Variants in CACNA2D3 observed in about 807,000 individuals in gnomAD.
CACNA2D3 encodes the protein calcium voltage-gated channel auxiliary subunit alpha2delta 3, also known as voltage-dependent calcium channel subunit alpha-2/delta-3.
In CACNA2D3, 60 loss-of-function variants were observed where a neutral mutation model predicts 160.6. That is an observed-to-expected ratio of 0.37 (90% confidence interval 0.30 to 0.46). The LOEUF (loss-of-function observed/expected upper bound fraction) is 0.46, where lower values mean the gene tolerates loss of function less well. Ranked by LOEUF, CACNA2D3 falls within the 20% of genes least tolerant of loss-of-function variation. CACNA2D3 has a pLI of 1.00. For synonymous variants in CACNA2D3, 558 were observed against 492.9 expected, an observed-to-expected ratio of 1.13 and a Z score of -1.75; for missense variants, 1,205 against 1,365.0, an observed-to-expected ratio of 0.88 and a Z score of 1.85.
chr3:54,813,847 A>G (rs188642036), intron 13 of CACNA2D3, among the ~76,000 whole-genome samples: 3 of 147,538 alleles, frequency 2.0e-5, no homozygotes, highest in Non-Finnish European at 4.5e-5. Context: ...AAATTCTGCT[A>G]TTTGGTTATA....
intron 2 of CACNA2D3, among the ~76,000 whole-genome samples, chr3:54,277,534 T>G (rs1702774953): frequency 6.6e-6 from 1 of 152,230 alleles, no homozygotes; most frequent in Admixed American, 6.5e-5. Flanking sequence ...ACTGTAGCCT[T>G]GTAGTATAGT....
At chr3:54,697,513 C>A (rs536302622) in intron 11 of CACNA2D3, among the ~76,000 whole-genome samples, 5 of 152,236 alleles carry the variant, frequency 3.3e-5, no homozygotes, top group Non-Finnish European at 5.9e-5. Context: ...CCTATCTGAC[C>A]ATTTTGATGG....
At chr3:54,716,510 T>C (rs1219443760) in intron 11 of CACNA2D3, among the ~76,000 whole-genome samples, 1 of 152,176 alleles carries the variant, frequency 6.6e-6, no homozygotes, top group East Asian at 1.9e-4. Context: ...TTACACTCAG[T>C]AAATCTGCAC....
At chr3:54,840,490 AACCTCC>A (rs1168270861) in intron 16 of CACNA2D3, among the ~76,000 whole-genome samples, 1 of 140,094 alleles carries the variant, frequency 7.1e-6, no homozygotes, top group East Asian at 2.2e-4. Context: ...AGCTCACTGC[AACCTCC>A]ACCTCCTGGG....
intron 5 of CACNA2D3, among the ~76,000 whole-genome samples, chr3:54,517,547 T>C (rs1016188425): frequency 4.6e-5 from 7 of 152,232 alleles, no homozygotes; most frequent in Non-Finnish European, 1.0e-4. Context: ...TGTGCCCACC[T>C]GCTGCACAGG....
At chr3:54,692,564 C>G (rs1296288555) in intron 11 of CACNA2D3, among the ~76,000 whole-genome samples, 2 of 152,196 alleles carry the variant, frequency 1.3e-5, no homozygotes, top group African/African-American at 4.8e-5. Context: ...TGTTCAGACT[C>G]TGGTGACCCT....
At chr3:54,628,890 C>T (rs557708309) in intron 10 of CACNA2D3, among the ~76,000 whole-genome samples, 2 of 152,040 alleles carry the variant, frequency 1.3e-5, no homozygotes, top group East Asian at 3.9e-4. Flanking sequence ...AGGAGGCTAC[C>T]CAAGAAGAAC....
chr3:54,182,664 G>A (rs1193729122), intron 2 of CACNA2D3, among the ~76,000 whole-genome samples: 2 of 152,078 alleles, frequency 1.3e-5, no homozygotes, highest in African/African-American at 2.4e-5. Flanking sequence ...AATTTGGTTG[G>A]GTTTTACTTT....
intron 11 of CACNA2D3, among the ~76,000 whole-genome samples, chr3:54,739,275 C>G (rs1701592430): frequency 6.6e-6 from 1 of 151,880 alleles, no homozygotes; most frequent in Admixed American, 6.6e-5. Flanking sequence ...CAAAAATTAG[C>G]TGAGCATGGT....
At chr3:54,634,163 A>T (rs1699308876) in intron 10 of CACNA2D3, among the ~76,000 whole-genome samples, 1 of 152,180 alleles carries the variant, frequency 6.6e-6, no homozygotes, top group South Asian at 2.1e-4. Context: ...ACCAGTGGCC[A>T]GCCAGCAAAG....
intron 2 of CACNA2D3, among the ~76,000 whole-genome samples, chr3:54,307,969 C>A (rs1255443296): frequency 6.6e-6 from 1 of 152,162 alleles, no homozygotes; most frequent in Non-Finnish European, 1.5e-5. Context: ...ATAATGTATT[C>A]CTTTCTGTGT....
chr3:54,902,434 C>T (rs745504466), intron 27 of CACNA2D3, among the ~76,000 whole-genome samples: 2 of 152,164 alleles, frequency 1.3e-5, no homozygotes, highest in Admixed American at 6.5e-5. Context: ...TCCATTTGTA[C>T]GCCAGCCTTG....
chr3:54,672,210 C>T (rs1700174767), intron 11 of CACNA2D3, among the ~76,000 whole-genome samples: 1 of 152,142 alleles, frequency 6.6e-6, no homozygotes, highest in Non-Finnish European at 1.5e-5. Context: ...GTAATTAGCA[C>T]CTTTGCTGTT....
At chr3:54,984,471 G>A (rs1702572347) in intron 29 of CACNA2D3, 137 bp from the exon 30 acceptor site, 1 of 641,900 alleles carries the variant, frequency 1.6e-6, no homozygotes, top group East Asian at 2.9e-5. Context: ...GCAGGCTTTT[G>A]CAATTGCCTG....
intron 35 of CACNA2D3, among the ~76,000 whole-genome samples, chr3:55,064,315 T>C (rs1053845612): frequency 6.6e-6 from 1 of 152,188 alleles, no homozygotes; most frequent in African/African-American, 2.4e-5. Context: ...TTGCCCCTGC[T>C]AAGTCACCCA....
At chr3:54,886,430 A>G (rs1441947366) in intron 23 of CACNA2D3, among the ~76,000 whole-genome samples, 1 of 152,212 alleles carries the variant, frequency 6.6e-6, no homozygotes, top group African/African-American at 2.4e-5. Flanking sequence ...TTAAAAAACA[A>G]AAGTATAGAG....
chr3:54,985,179 G>A (rs544275979), intron 30 of CACNA2D3, among the ~76,000 whole-genome samples: 87 of 152,254 alleles, frequency 5.7e-4, no homozygotes, highest in Middle Eastern at 3.4e-3. Context: ...TCTCAACACC[G>A]AGGGACAAGG....
intron 5 of CACNA2D3, among the ~76,000 whole-genome samples, chr3:54,515,078 C>G (rs533462939): frequency 6.6e-6 from 1 of 152,148 alleles, no homozygotes; most frequent in Admixed American, 6.5e-5. Flanking sequence ...TTCTGCTGAG[C>G]TGGAACTCCC....
At chr3:54,453,799 T>A (rs1320075950) in intron 4 of CACNA2D3, among the ~76,000 whole-genome samples, 1 of 152,220 alleles carries the variant, frequency 6.6e-6, no homozygotes, top group Non-Finnish European at 1.5e-5. Context: ...TAATAATATT[T>A]GCACAAAAGT....
Sources: gnomAD v4.1 joint callset for allele counts (sites outside exome capture counted in the v4.1 genomes callset) on GRCh38, gnomAD v4.1.1 for gene constraint, MANE v1.5 for transcripts, NCBI Gene and HGNC (gene_info 2026-07-23, HGNC 2026-07-21) for gene names.